RAPGEF1: variants seen among roughly 807,000 people sequenced by gnomAD.
RAPGEF1 encodes the protein Rap guanine nucleotide exchange factor 1.
Under a neutral mutation model 143.3 loss-of-function variants are expected in RAPGEF1, and 33 were observed. The observed-to-expected ratio is 0.23, with a 90% CI of 0.17 to 0.31. The LOEUF (loss-of-function observed/expected upper bound fraction) is 0.31, where lower values mean the gene tolerates loss of function less well. RAPGEF1 is among the 10% of genes least tolerant of loss of function. RAPGEF1 has a pLI of 1.00. For missense variants in RAPGEF1, 1,199 were observed against 1,645.4 expected, an observed-to-expected ratio of 0.73 and a Z score of 4.69; for synonymous variants, 629 against 676.5, an observed-to-expected ratio of 0.93 and a Z score of 1.09.
chr9:131,718,604 A>G (rs1052525110), intron 1 of RAPGEF1, among the ~76,000 whole-genome samples: 1 of 152,134 alleles, frequency 6.6e-6, no homozygotes, highest in African/African-American at 2.4e-5. Flanking sequence ...GCGCTGGGAG[A>G]GAGGAGGCAA....
In RAPGEF1 at chr9:131,626,023, C is replaced by T. The variant is rs200547421; in HGVS notation, c.1601G>A (p.Gly534Asp). Residue 534 changes from glycine to aspartate, a missense_variant, in exon 10 of 27, where the codon GGT becomes GAT. Around this residue, in one of 6 missense-constraint regions of RAPGEF1, gnomAD observed 613 missense variants for 710.9 expected, o/e 0.86. Transcript: ENST00000683357. ...FAAILPFQHG[G>D]SSAPVEFVGD... is the part of the protein sequence containing the mutation. ...CACAAATTCGACAGGGGCTGAGGAA[C>T]CTCCATGCTGAAAGGGCAGAATAGC... 7.4e-4 allele frequency: 1,187 copies of T among 1,612,180 alleles called. 2 individuals are homozygous for T. Among genetic ancestry groups the T allele is most frequent in the Middle Eastern group, 4.8e-3 (29 of 6,054 alleles).
chr9:131,630,544 T>A (rs1416260999), intron 5 of RAPGEF1, among the ~76,000 whole-genome samples: 1 of 152,212 alleles, frequency 6.6e-6, no homozygotes, highest in Non-Finnish European at 1.5e-5. Context: ...ATGTCAAGTT[T>A]CAAATGCGTA....
chr9:131,591,500 C>T (rs1019468047), intron 18 of RAPGEF1, among the ~76,000 whole-genome samples: 1 of 152,196 alleles, frequency 6.6e-6, no homozygotes, highest in African/African-American at 2.4e-5. Flanking sequence ...TCCTTCCAAA[C>T]CCCTGGGGTC....
intron 1 of RAPGEF1, chr9:131,709,782 C>T (rs1835376714): frequency 6.4e-7 from 1 of 1,556,692 alleles, no homozygotes; most frequent in South Asian, 1.2e-5. Context: ...ATCTCTTGGA[C>T]ATCCCAAACC....
intron 1 of RAPGEF1, among the ~76,000 whole-genome samples, chr9:131,690,414 T>C (rs566406600): frequency 6.6e-6 from 1 of 152,344 alleles, no homozygotes; most frequent in East Asian, 1.9e-4. Flanking sequence ...AATTTTATGT[T>C]TGATCGAGCT....
chr9:131,629,878 T>C (rs902133933), intron 6 of RAPGEF1, among the ~76,000 whole-genome samples: 4 of 152,106 alleles, frequency 2.6e-5, no homozygotes, highest in African/African-American at 9.7e-5. Context: ...ACCATCCATG[T>C]CATCCTCAGT....
chr9:131,603,221 G>A (rs1460296359), intron 14 of RAPGEF1, among the ~76,000 whole-genome samples: 1 of 152,246 alleles, frequency 6.6e-6, no homozygotes, highest in Non-Finnish European at 1.5e-5. Flanking sequence ...GCCCGCCCTG[G>A]GGTGGATCAC....
intron 18 of RAPGEF1, among the ~76,000 whole-genome samples, chr9:131,590,351 C>A (rs4740290): frequency 0.87 from 132,106 of 152,064 alleles, 57,555 homozygotes; most frequent in African/African-American, 0.94. Flanking sequence ...AAACACCCTC[C>A]AAACCCCAGG....
chr9:131,620,736 T>C (rs1453998680), intron 11 of RAPGEF1, among the ~76,000 whole-genome samples: 2 of 152,114 alleles, frequency 1.3e-5, no homozygotes, highest in East Asian at 3.8e-4. Context: ...CCACTGAGTA[T>C]AGGAAGGCTC....
At chr9:131,589,840 T>G (rs759622014) in intron 19 of RAPGEF1, 46 bp downstream of exon 19, 15 of 1,542,156 alleles carry the variant, frequency 9.7e-6, no homozygotes, top group African/African-American at 1.4e-5. Context: ...GAATGGAGCC[T>G]TTGCCTCCCC....
At chr9:131,732,697 T>G (rs998081227) in intron 1 of RAPGEF1, among the ~76,000 whole-genome samples, 1 of 140,190 alleles carries the variant, frequency 7.1e-6, no homozygotes, top group Non-Finnish European at 1.6e-5. Flanking sequence ...AATTGGCAAT[T>G]TGAAACCACA....
chr9:131,667,053 G>A lies in RAPGEF1; in HGVS notation c.62-16104C>T, dbSNP rs933287129. ...TCACCCAGGCGGAGTGCAGTGGCAC[G>A]AACTCGGCTCACTGCCATCTCCATC... is the stretch of plus-strand genomic sequence containing the variant. On this transcript the variant is annotated intron_variant, in intron 1 of 26. Coordinates refer to ENST00000683357, the MANE Select transcript of RAPGEF1 (RefSeq NM_001377935.1). This position sits in a 1 kb window ranked among gnomAD's most constrained non-coding sequence, Gnocchi z 4.6. Among the ~76,000 whole-genome samples, 8 of 152,058 alleles carry A rather than the reference G, an allele frequency of 5.3e-5. No individual in the cohort carries two copies. The highest frequency in any genetic ancestry group is 1.2e-4 in the Non-Finnish European group (8 of 68,018).
intron 12 of RAPGEF1, among the ~76,000 whole-genome samples, chr9:131,607,908 T>TG (rs1310949247): frequency 2.6e-5 from 4 of 152,232 alleles, no homozygotes; most frequent in Non-Finnish European, 5.9e-5. Flanking sequence ...TGTACCAAGT[T>TG]GGAGAAGTGT....
chr9:131,729,834 A>C (rs1836911786), intron 1 of RAPGEF1, among the ~76,000 whole-genome samples: 1 of 152,198 alleles, frequency 6.6e-6, no homozygotes, highest in South Asian at 2.1e-4. Context: ...GGCACACAGG[A>C]AATAATAAAT....
At chr9:131,589,168 T>C (rs1187217691) in intron 19 of RAPGEF1, among the ~76,000 whole-genome samples, 182 bp from the exon 20 acceptor site, 1 of 152,134 alleles carries the variant, frequency 6.6e-6, no homozygotes, top group Non-Finnish European at 1.5e-5. Context: ...CTTGGAGGTG[T>C]TGGGATGGTC....
intron 12 of RAPGEF1, among the ~76,000 whole-genome samples, chr9:131,615,372 C>A (rs1958805498): frequency 6.6e-6 from 1 of 152,020 alleles, no homozygotes; most frequent in Non-Finnish European, 1.5e-5. Context: ...CTGCACCCAG[C>A]CGGAGGAAGG....
chr9:131,648,246 C>T (rs553242442), intron 3 of RAPGEF1, among the ~76,000 whole-genome samples: 41 of 152,220 alleles, frequency 2.7e-4, no homozygotes, highest in African/African-American at 9.9e-4. Flanking sequence ...CAAAAATTAG[C>T]CAGGCGTGGT....
intron 1 of RAPGEF1, among the ~76,000 whole-genome samples, chr9:131,671,865 C>A (rs976396556): frequency 6.6e-6 from 1 of 152,320 alleles, no homozygotes; most frequent in East Asian, 1.9e-4. Context: ...ACCCATTTAG[C>A]ACTTCCCAAA....
intron 14 of RAPGEF1, 44 bp from the exon 15 acceptor site, chr9:131,602,193 G>A (rs371280631): frequency 3.5e-6 from 5 of 1,432,690 alleles, no homozygotes; most frequent in Non-Finnish European, 4.8e-6. Context: ...GGGGCCCTCT[G>A]CGGGGCTGCT....
Sources: gnomAD v4.1 joint callset for allele counts (sites outside exome capture counted in the v4.1 genomes callset) on GRCh38, gnomAD v4.1.1 for gene constraint, gnomAD v4.1.1 regional missense constraint, Gnocchi (gnomAD v3.1) non-coding constraint, MANE v1.5 for transcripts, NCBI Gene and HGNC (gene_info 2026-07-23, HGNC 2026-07-21) for gene names.